Variants in PTPRN2 observed in about 807,000 individuals in gnomAD.
PTPRN2 encodes receptor-type tyrosine-protein phosphatase N2.
A neutral mutation model predicts 118.8 loss-of-function variants in PTPRN2; 74 were observed. The ratio of observed to expected loss-of-function variants is 0.62; its 90% CI spans 0.52 to 0.76. PTPRN2 has a LOEUF of 0.76. Among genes scored for constraint, PTPRN2 ranks in the 30% least tolerant of loss-of-function variants. The pLI is 0.00. For synonymous variants in PTPRN2, 641 were observed against 608.0 expected (o/e 1.05, Z -0.80); for missense variants, 1,481 against 1,394.4 (o/e 1.06, Z -0.99).
intron 4 of PTPRN2, among the ~76,000 whole-genome samples, chr7:158,204,210 A>G (rs957272839): frequency 7.0e-6 from 1 of 143,028 alleles, no homozygotes; most frequent in African/African-American, 2.7e-5. Flanking sequence ...TGTGGTGAAG[A>G]CGAAGCCCCC....
At chr7:157,851,970 G>T (rs1428185965) in intron 12 of PTPRN2, among the ~76,000 whole-genome samples, 2 of 152,236 alleles carry the variant, frequency 1.3e-5, no homozygotes, top group African/African-American at 4.8e-5. Flanking sequence ...ATTGACAAGA[G>T]GACGTGTTAC....
chr7:157,650,360 G>A (rs376066720), intron 14 of PTPRN2, among the ~76,000 whole-genome samples: 5 of 152,330 alleles, frequency 3.3e-5, no homozygotes, highest in Admixed American at 1.3e-4. Context: ...CCTATGCCAC[G>A]CAGTCCTCAA....
At chr7:158,146,578 A>T (rs1041334503) in intron 6 of PTPRN2, among the ~76,000 whole-genome samples, 1 of 151,494 alleles carries the variant, frequency 6.6e-6, no homozygotes, top group Admixed American at 6.6e-5. Flanking sequence ...AAAATTAGCC[A>T]GGCGTGGTGG....
At chr7:157,665,326 G>A (rs532407967) in intron 13 of PTPRN2, among the ~76,000 whole-genome samples, 44 of 152,262 alleles carry the variant, frequency 2.9e-4, no homozygotes, top group Non-Finnish European at 5.9e-4. Flanking sequence ...GTAAGGATGA[G>A]TAAGACCTTG....
intron 9 of PTPRN2, among the ~76,000 whole-genome samples, chr7:158,121,358 C>T (rs10236157): frequency 0.28 from 42,509 of 152,136 alleles, 6,850 homozygotes; most frequent in Middle Eastern, 0.44. Flanking sequence ...TTGATCAGCA[C>T]CACTCAGCTC....
intron 3 of PTPRN2, among the ~76,000 whole-genome samples, chr7:158,282,748 G>A (rs1799512627): frequency 6.9e-6 from 1 of 144,762 alleles, no homozygotes; most frequent in Non-Finnish European, 1.5e-5. Flanking sequence ...GCCAGACACA[G>A]ACGGCTCATC....
intron 19 of PTPRN2, among the ~76,000 whole-genome samples, chr7:157,573,024 C>T (rs1308719090): frequency 6.6e-6 from 1 of 152,232 alleles, no homozygotes; most frequent in African/African-American, 2.4e-5. Context: ...TTCTTGGTCC[C>T]TGGAGAATAA....
rs116619861 is a variant in PTPRN2, at chr7:158,264,505, G to A, written c.277+52314C>T. Among the ~76,000 whole-genome samples, 545 of 152,262 alleles carry A rather than the reference G, an allele frequency of 3.6e-3. 3 individuals are homozygous for A. The highest frequency in any genetic ancestry group is 0.012 in the African/African-American group (488 of 41,542). ...CACACTCCTGTCCATACGACAGATC[G>A]CCATGGGCCACACGTGACATGTGCA... On this transcript the variant is annotated intron_variant, in intron 3 of 22. Transcript: ENST00000389418.
rs1035761804 is a variant in PTPRN2, at chr7:157,813,573, A to C, written c.1788+85100T>G. 4.6e-5 allele frequency among the ~76,000 whole-genome samples: 7 copies of C among 152,228 alleles called. No individual in the cohort carries two copies. The highest frequency in any genetic ancestry group is 8.8e-5 in the Non-Finnish European group (6 of 68,040). On this transcript the variant is annotated intron_variant, in intron 12 of 22. Transcript: ENST00000389418. The surrounding 1 kb of genome is among the most constrained non-coding windows in gnomAD (Gnocchi z 4.7). The stretch of plus-strand genomic sequence containing the variant: ...AAAGAAAGTTCAAATGCGCAGAAGA[A>C]AGATCAGAGGACAAGATGCCCACGA...
At chr7:158,453,777 G>A (rs1265506709) in intron 2 of PTPRN2, among the ~76,000 whole-genome samples, 2 of 152,240 alleles carry the variant, frequency 1.3e-5, no homozygotes, top group Admixed American at 6.5e-5. Context: ...CATTTGTTGT[G>A]CACTGACCAT....
chr7:157,540,764 T>C lies in PTPRN2; in HGVS notation c.2998A>G (p.Thr1000Ala). The change falls in exon 23 of 23, where the codon ACA becomes GCA. Residue 1000 changes from threonine (T) to alanine (A), a missense_variant. Physicochemically the swap from Thr to Ala is moderately conservative, Grantham distance 58 (BLOSUM62 0). Coordinates refer to ENST00000389418, the MANE Select transcript of PTPRN2 (RefSeq NM_002847.5). ...GCGTTCACCTCCTCAGCCACGGCTG[T>C]CAGCGCGAACTCAAACTGCTCCTGC... ...QTKEQFEFAL[T>A]AVAEEVNAIL... 1.9e-6 allele frequency: 3 copies of C among 1,569,016 alleles called. No individual in the cohort carries two copies. Among genetic ancestry groups the C allele is most frequent in the Non-Finnish European group, 2.6e-6 (3 of 1,156,808 alleles).
intron 3 of PTPRN2, among the ~76,000 whole-genome samples, chr7:158,222,077 AGAT>A (rs1828422346): frequency 1.3e-5 from 2 of 152,222 alleles, no homozygotes; most frequent in South Asian, 4.1e-4. Context: ...AAAAAATAAC[AGAT>A]GTTGACAAGG....
chr7:157,854,974 A>G (rs1809580177), intron 12 of PTPRN2: 1 of 158,226 alleles, frequency 6.3e-6, no homozygotes, highest in Non-Finnish European at 1.3e-5. Context: ...GTGGGGCTGG[A>G]TCGGGGAGGA....
chr7:158,342,725 G>A (rs193088483), intron 2 of PTPRN2, among the ~76,000 whole-genome samples: 4 of 152,302 alleles, frequency 2.6e-5, no homozygotes, highest in African/African-American at 9.6e-5. Context: ...GCCCAGAGAG[G>A]TTGGGTGCCT....
At chr7:157,934,491 T>C (rs1014765666) in intron 11 of PTPRN2, among the ~76,000 whole-genome samples, 5 of 152,228 alleles carry the variant, frequency 3.3e-5, no homozygotes, top group African/African-American at 1.2e-4. Context: ...CTCACCTCGA[T>C]AGCATTTGCA....
intron 2 of PTPRN2, among the ~76,000 whole-genome samples, chr7:158,380,985 T>C (rs1810928254): frequency 6.6e-6 from 1 of 152,252 alleles, no homozygotes; most frequent in South Asian, 2.1e-4. Flanking sequence ...CTGGAGCAGC[T>C]GGGACGCAGG....
intron 2 of PTPRN2, among the ~76,000 whole-genome samples, chr7:158,390,858 G>A (rs1479647019): frequency 6.6e-6 from 1 of 152,142 alleles, no homozygotes; most frequent in African/African-American, 2.4e-5. Flanking sequence ...AAGAGGCTAC[G>A]AAAAATGGAG....
chr7:158,066,514 A>G (rs553681107), intron 11 of PTPRN2, among the ~76,000 whole-genome samples: 8 of 152,318 alleles, frequency 5.3e-5, no homozygotes, highest in Admixed American at 4.6e-4. Flanking sequence ...GCTCAAAGGA[A>G]CACAGCCTTT....
intron 11 of PTPRN2, among the ~76,000 whole-genome samples, chr7:157,997,138 G>A (rs1473091433): frequency 1.3e-5 from 2 of 152,250 alleles, no homozygotes; most frequent in Non-Finnish European, 2.9e-5. Flanking sequence ...GGGCACATCT[G>A]ATGGGGCCTG....
Sources: gnomAD v4.1 joint callset for allele counts (sites outside exome capture counted in the v4.1 genomes callset) on GRCh38, gnomAD v4.1.1 for gene constraint, Gnocchi (gnomAD v3.1) non-coding constraint, MANE v1.5 for transcripts, NCBI Gene and HGNC (gene_info 2026-07-23, HGNC 2026-07-21) for gene names.